AGBL4: variants seen among roughly 807,000 people sequenced by gnomAD.
AGBL4 encodes cytosolic carboxypeptidase 6.
Under a neutral mutation model 66.4 loss-of-function variants are expected in AGBL4, and 58 were observed. That is an observed-to-expected ratio of 0.87 (90% confidence interval 0.71 to 1.09). AGBL4 has a LOEUF of 1.09. Ranked by LOEUF, AGBL4 falls within the 50% of genes least tolerant of loss-of-function variation. The probability of loss-of-function intolerance (pLI) is 0.00; values close to 1 mark genes in which losing one functional copy is unlikely to be tolerated. For missense variants in AGBL4, 579 were observed against 631.0 expected (o/e 0.92, Z 0.88); for synonymous variants, 234 against 222.9 (o/e 1.05, Z -0.44).
intron 3 of AGBL4, among the ~76,000 whole-genome samples, chr1:49,414,336 T>C (rs1645381718): frequency 6.6e-6 from 1 of 152,196 alleles, no homozygotes; most frequent in African/African-American, 2.4e-5. Context: ...CCATTCACTT[T>C]ATTTATTTTG....
intron 5 of AGBL4, among the ~76,000 whole-genome samples, chr1:49,016,660 G>T (rs1474741664): frequency 9.2e-5 from 14 of 152,184 alleles, no homozygotes; most frequent in African/African-American, 3.1e-4. Context: ...TCTGCCTAAA[G>T]ATTCAGGATG....
chr1:49,513,690 T>C (rs1203691546), intron 3 of AGBL4, among the ~76,000 whole-genome samples: 3 of 152,046 alleles, frequency 2.0e-5, no homozygotes, highest in African/African-American at 4.8e-5. Flanking sequence ...ATATTTCAAC[T>C]CAACAGTCTT....
chr1:49,030,516 G>A (rs914106480), intron 5 of AGBL4, among the ~76,000 whole-genome samples: 31 of 152,128 alleles, frequency 2.0e-4, no homozygotes, highest in African/African-American at 7.0e-4. Flanking sequence ...GCAGGCCAGA[G>A]AGCATTACCA....
intron 4 of AGBL4, among the ~76,000 whole-genome samples, chr1:49,140,474 T>TA (rs1290273056): frequency 2.6e-5 from 4 of 152,198 alleles, no homozygotes; most frequent in Non-Finnish European, 5.9e-5. Flanking sequence ...CCAATCTTTT[T>TA]AAGACAGTGT....
At chr1:49,059,893 C>T (rs548832410) in intron 4 of AGBL4, among the ~76,000 whole-genome samples, 1 of 152,248 alleles carries the variant, frequency 6.6e-6, no homozygotes, top group South Asian at 2.1e-4. Flanking sequence ...TGTCTGTACC[C>T]CCAGTGTATC....
intron 3 of AGBL4, among the ~76,000 whole-genome samples, chr1:49,247,124 A>G (rs939541544): frequency 6.6e-6 from 1 of 152,108 alleles, no homozygotes; most frequent in African/African-American, 2.4e-5. Flanking sequence ...TAAGATGTCC[A>G]TGATTTTTAC....
intron 9 of AGBL4, among the ~76,000 whole-genome samples, chr1:48,633,599 C>G (rs1361361412): frequency 6.6e-6 from 1 of 152,214 alleles, no homozygotes; most frequent in African/African-American, 2.4e-5. Context: ...CACACATACT[C>G]CATTCTTAGG....
At chr1:49,619,536 CA>C (rs2124289454) in intron 3 of AGBL4, among the ~76,000 whole-genome samples, 1 of 152,210 alleles carries the variant, frequency 6.6e-6, no homozygotes, top group South Asian at 2.1e-4. Context: ...TGAAAATGGC[CA>C]TAGTGCCCAA....
chr1:48,743,346 C>G (rs764423835), intron 6 of AGBL4, among the ~76,000 whole-genome samples: 74 of 152,278 alleles, frequency 4.9e-4, no homozygotes, highest in Non-Finnish European at 9.0e-4. Context: ...TATTTTAATG[C>G]AATCAACACA....
rs541605873 is a variant in AGBL4 at position 49,973,231 on chromosome 1, C to A, written c.34+50532G>T. On this transcript the variant is annotated intron_variant, in intron 1 of 13. Transcript: ENST00000371839. ...TGCCTGCAACCCCTTGTAAAGTAAA[C>A]CACCTGCACAACCATAAACAGCAGC... Among the ~76,000 whole-genome samples the A allele has an allele frequency of 2.2e-3, 339 of 152,302 alleles. 4 individuals carry two copies. Among genetic ancestry groups the A allele is most frequent in the African/African-American group, 7.8e-3 (326 of 41,566 alleles).
intron 4 of AGBL4, among the ~76,000 whole-genome samples, chr1:49,109,220 TC>T (rs1645358648): frequency 6.6e-6 from 1 of 152,156 alleles, no homozygotes; most frequent in Admixed American, 6.5e-5. Context: ...GGAGAAGGTT[TC>T]CCCAGTCATC....
chr1:49,304,170 G>T (rs1411828862), intron 3 of AGBL4, among the ~76,000 whole-genome samples: 2 of 152,112 alleles, frequency 1.3e-5, no homozygotes, highest in Admixed American at 1.3e-4. Context: ...GTGTAAGGAA[G>T]GAGTCCAGTT....
chr1:49,732,896 C>T (rs555347032), intron 2 of AGBL4, among the ~76,000 whole-genome samples: 1 of 152,124 alleles, frequency 6.6e-6, no homozygotes, highest in African/African-American at 2.4e-5. Flanking sequence ...CATGAATCTA[C>T]AGATCCAGGA....
intron 3 of AGBL4, among the ~76,000 whole-genome samples, chr1:49,320,407 A>G (rs1645112497): frequency 6.6e-6 from 1 of 152,230 alleles, no homozygotes; most frequent in South Asian, 2.1e-4. Context: ...ATGGACAGTA[A>G]AGTAGACAAG....
rs928034354 is a variant in AGBL4, at chr1:49,335,724, T to C, written c.283-89860A>G. The stretch of plus-strand genomic sequence containing the variant: ...TAGAGACGGGGTTTCACCATGTTAG[T>C]CAGGATGGTCTCAATCTCCTGACCT... On this transcript the variant is annotated intron_variant, in intron 3 of 13. Coordinates refer to ENST00000371839, the MANE Select transcript of AGBL4 (RefSeq NM_032785.4). Among the ~76,000 whole-genome samples, 6 of 152,002 alleles carry C rather than the reference T, an allele frequency of 3.9e-5. No homozygotes were observed. The South Asian group carries it at 6.2e-4, about 16-fold the overall frequency.
intron 3 of AGBL4, among the ~76,000 whole-genome samples, chr1:49,517,142 G>A (rs1649892021): frequency 6.6e-6 from 1 of 151,650 alleles, no homozygotes; most frequent in East Asian, 1.9e-4. Flanking sequence ...GTATCACAAA[G>A]CTCACCTTTG....
chr1:49,048,804 GA>G (rs201211809), intron 4 of AGBL4, among the ~76,000 whole-genome samples: 6,748 of 141,710 alleles, frequency 0.048, 178 homozygotes, highest in East Asian at 0.082. Flanking sequence ...GCCAAGAGAG[GA>G]AAAAAAAAAA....
chr1:49,320,011 C>T (rs180998173), intron 3 of AGBL4, among the ~76,000 whole-genome samples: 213 of 152,258 alleles, frequency 1.4e-3, no homozygotes, highest in African/African-American at 4.9e-3. Flanking sequence ...CGGTTCACTA[C>T]AGCCTCAACC....
At chr1:48,618,625 A>G (rs544920008) in intron 9 of AGBL4, among the ~76,000 whole-genome samples, 45 of 152,344 alleles carry the variant, frequency 3.0e-4, no homozygotes, top group African/African-American at 1.0e-3. Flanking sequence ...TCCAAGGTCA[A>G]AAGTAGCCAA....
Sources: allele counts gnomAD v4.1 joint callset (sites outside exome capture counted in the v4.1 genomes callset), GRCh38; gene constraint gnomAD v4.1.1; transcripts MANE v1.5; gene names NCBI Gene and HGNC (gene_info 2026-07-23, HGNC 2026-07-21).